The following FHIT variants were observed in gnomAD, a reference collection of about 807,000 sequenced individuals.
The protein encoded by FHIT is bis(5'-adenosyl)-triphosphatase.
Under a neutral mutation model 17.9 loss-of-function variants are expected in FHIT, and 19 were observed. The observed-to-expected ratio is 1.06, with a 90% confidence interval of 0.74 to 1.56. FHIT has a LOEUF of 1.56. Ranked by LOEUF, FHIT falls within the 40% of genes most tolerant of loss-of-function variation. The probability of loss-of-function intolerance (pLI) is 0.00; values close to 1 mark genes in which losing one functional copy is unlikely to be tolerated. For missense variants in FHIT, 248 were observed against 189.2 expected, an observed-to-expected ratio of 1.31 and a Z score of -1.82; for synonymous variants, 81 against 69.7, an observed-to-expected ratio of 1.16 and a Z score of -0.81.
intron 5 of FHIT, among the ~76,000 whole-genome samples, chr3:60,397,978 T>C (rs1041626981): frequency 6.6e-6 from 1 of 152,112 alleles, no homozygotes; most frequent in South Asian, 2.1e-4. Flanking sequence ...CTCAGCCATA[T>C]TAGAGAATTT....
At chr3:59,825,294 T>G (rs1700937120) in intron 8 of FHIT, among the ~76,000 whole-genome samples, 1 of 152,230 alleles carries the variant, frequency 6.6e-6, no homozygotes, top group Non-Finnish European at 1.5e-5. Flanking sequence ...CTTGTCATTT[T>G]CTTTTCGAGT....
intron 2 of FHIT, among the ~76,000 whole-genome samples, chr3:61,133,092 T>A (rs1213967243): frequency 6.6e-6 from 1 of 152,154 alleles, no homozygotes; most frequent in Non-Finnish European, 1.5e-5. Flanking sequence ...ATCCTTTACA[T>A]CTCAGATCAA....
chr3:60,646,832 G>T lies in FHIT; in HGVS notation c.-17-109853C>A, dbSNP rs538852851. 8.5e-5 allele frequency among the ~76,000 whole-genome samples: 13 copies of T among 152,246 alleles called. No homozygotes were observed. The South Asian group carries it at 1.9e-3, about 22-fold the overall frequency. On this transcript the variant is annotated intron_variant, in intron 4 of 9. Coordinates refer to ENST00000492590, the MANE Select transcript of FHIT (RefSeq NM_002012.4). ...CTTCACCTGGCCTTAATTCAAATCAGAACACTTCTCCCACCTGCATTACTT... is the reference window on the plus strand; with the variant it reads ...CTTCACCTGGCCTTAATTCAAATCATAACACTTCTCCCACCTGCATTACTT...
chr3:59,885,676 C>T (rs1167567962), intron 8 of FHIT, among the ~76,000 whole-genome samples: 1 of 152,168 alleles, frequency 6.6e-6, no homozygotes, highest in African/African-American at 2.4e-5. Flanking sequence ...CCCTGAAATA[C>T]ATGTGCCTGG....
intron 7 of FHIT, among the ~76,000 whole-genome samples, chr3:59,948,787 A>G (rs994882870): frequency 1.8e-4 from 27 of 151,984 alleles, no homozygotes; most frequent in Admixed American, 1.3e-3. Context: ...ATGTCTATTT[A>G]TGTCTTTTGT....
At chr3:60,441,995 A>T (rs2030925533) in intron 5 of FHIT, among the ~76,000 whole-genome samples, 1 of 150,204 alleles carries the variant, frequency 6.7e-6, no homozygotes. Flanking sequence ...TATACCTGGG[A>T]CTACAGGTGC....
chr3:60,271,954 AC>A (rs774908915), intron 5 of FHIT, among the ~76,000 whole-genome samples: 2 of 152,038 alleles, frequency 1.3e-5, no homozygotes, highest in Admixed American at 6.5e-5. Context: ...GTTTCATTAA[AC>A]CCTCACAACA....
chr3:60,631,874 T>C (rs2039452462), intron 4 of FHIT, among the ~76,000 whole-genome samples: 1 of 152,152 alleles, frequency 6.6e-6, no homozygotes, highest in African/African-American at 2.4e-5. Context: ...CCCAGTTTCT[T>C]CTGAGATGAA....
rs531457828 is a variant in FHIT, at chr3:60,443,331, G to C, written c.103+93529C>G. 2.0e-5 allele frequency among the ~76,000 whole-genome samples: 3 copies of C among 152,250 alleles called. No homozygotes were observed. The East Asian group carries it at 5.8e-4, about 29-fold the overall frequency. On this transcript the variant is annotated intron_variant, in intron 5 of 9. Transcript: ENST00000492590. ...TATGTTGAATAGGAGTGGTGAGAGAGGACATCTCTGTCTTGTGCCAGTTTT... is the reference window on the plus strand; with the variant it reads ...TATGTTGAATAGGAGTGGTGAGAGACGACATCTCTGTCTTGTGCCAGTTTT...
At chr3:61,215,677 G>T (rs926833185) in intron 1 of FHIT, among the ~76,000 whole-genome samples, 1 of 152,138 alleles carries the variant, frequency 6.6e-6, no homozygotes, top group Non-Finnish European at 1.5e-5. Context: ...AAAAGAGCCC[G>T]CATCACCAAG....
chr3:59,899,802 T>G (rs1032781697), intron 8 of FHIT, among the ~76,000 whole-genome samples: 3 of 152,072 alleles, frequency 2.0e-5, no homozygotes, highest in Non-Finnish European at 4.4e-5. Context: ...GCCATGATGG[T>G]GCCACTGCAC....
intron 2 of FHIT, among the ~76,000 whole-genome samples, chr3:61,160,952 A>G (rs2037671374): frequency 6.6e-6 from 1 of 152,212 alleles, no homozygotes. Context: ...AGCTCAGATT[A>G]TCTCCTTTGC....
At chr3:61,022,060 G>T (rs1292752995) in intron 3 of FHIT, among the ~76,000 whole-genome samples, 1 of 152,080 alleles carries the variant, frequency 6.6e-6, no homozygotes, top group African/African-American at 2.4e-5. Context: ...TCCAGTAGCT[G>T]GGTTTTTGAA....
At chr3:60,962,442 C>T (rs1344465601) in intron 3 of FHIT, among the ~76,000 whole-genome samples, 1 of 152,136 alleles carries the variant, frequency 6.6e-6, no homozygotes, top group Non-Finnish European at 1.5e-5. Context: ...TGCCTGATTG[C>T]CCTGGCCAGA....
intron 5 of FHIT, among the ~76,000 whole-genome samples, chr3:60,355,952 C>T (rs1055341994): frequency 1.3e-5 from 2 of 152,120 alleles, no homozygotes; most frequent in African/African-American, 4.8e-5. Context: ...ATCAAATCAA[C>T]ACCCAAACTC....
intron 5 of FHIT, among the ~76,000 whole-genome samples, chr3:60,374,830 T>G (rs921870012): frequency 1.3e-5 from 2 of 152,150 alleles, no homozygotes; most frequent in Non-Finnish European, 2.9e-5. Flanking sequence ...AAAAGTCTAT[T>G]AAGTAGAAGA....
intron 4 of FHIT, among the ~76,000 whole-genome samples, chr3:60,595,294 G>C (rs1440683958): frequency 6.6e-6 from 1 of 151,878 alleles, no homozygotes; most frequent in Non-Finnish European, 1.5e-5. Flanking sequence ...GAGAGCCAAC[G>C]AGGAGAAATT....
chr3:60,056,745 T>C (rs536206772), intron 5 of FHIT, among the ~76,000 whole-genome samples: 15 of 152,124 alleles, frequency 9.9e-5, no homozygotes, highest in Non-Finnish European at 1.9e-4. Context: ...TTTATCAAAA[T>C]GAAAAAGGTT....
intron 3 of FHIT, among the ~76,000 whole-genome samples, chr3:60,963,521 T>C (rs1337792863): frequency 6.6e-6 from 1 of 152,242 alleles, no homozygotes; most frequent in Admixed American, 6.5e-5. Flanking sequence ...ATTGTGATGT[T>C]AGGGTGTCAA....
Sources: gnomAD v4.1 joint callset for allele counts (sites outside exome capture counted in the v4.1 genomes callset) on GRCh38, gnomAD v4.1.1 for gene constraint, MANE v1.5 for transcripts, NCBI Gene and HGNC (gene_info 2026-07-23, HGNC 2026-07-21) for gene names.